TTC23: variants seen among roughly 807,000 people sequenced by gnomAD.
TTC23 encodes the protein tetratricopeptide repeat domain 23, also known as tetratricopeptide repeat protein 23.
In TTC23, 58 loss-of-function variants were observed where a neutral mutation model predicts 55.1. That is an observed-to-expected ratio of 1.05 (90% CI 0.85 to 1.31). The LOEUF is 1.31. Among genes scored for constraint, TTC23 ranks in the 50% most tolerant of loss-of-function variants. The pLI, the probability that TTC23 is intolerant of heterozygous loss-of-function variation, is 0.00. For missense variants in TTC23, 516 were observed against 534.4 expected, an observed-to-expected ratio of 0.97 and a Z score of 0.34; for synonymous variants, 203 against 199.9, an observed-to-expected ratio of 1.02 and a Z score of -0.13.
At chr15:99,166,084 G>A (rs2072040212) in intron 10 of TTC23, among the ~76,000 whole-genome samples, 1 of 152,184 alleles carries the variant, frequency 6.6e-6, no homozygotes, top group Non-Finnish European at 1.5e-5. Context: ...GGCAATTCGT[G>A]CACTGAGTTT....
intron 8 of TTC23, among the ~76,000 whole-genome samples, chr15:99,213,732 G>T (rs1449081527): frequency 6.6e-6 from 1 of 152,202 alleles, no homozygotes; most frequent in Non-Finnish European, 1.5e-5. Context: ...ATGCTGTTAA[G>T]CATAGGAGTA....
chr15:99,190,174 G>A (rs1014952923), intron 9 of TTC23, among the ~76,000 whole-genome samples: 2 of 129,856 alleles, frequency 1.5e-5, no homozygotes, highest in Admixed American at 1.6e-4. Flanking sequence ...AGCAAGACCT[G>A]TCTAAAAAAA....
In TTC23 at chr15:99,182,267, C is replaced by CAA. The variant is rs2074220103; in HGVS notation, c.760-7113_760-7112insTT. Among the ~76,000 whole-genome samples, 3 of 151,554 alleles carry CAA rather than the reference C, an allele frequency of 2.0e-5. No individual in the cohort carries two copies. The East Asian group carries it at 5.8e-4, about 29-fold the overall frequency. ...TCTCTCTCACACACACACACACACA[C>CAA]ACACACACACACACACACACACATA... On this transcript the variant is annotated intron_variant, in intron 9 of 13. Coordinates refer to ENST00000394132, the MANE Select transcript of TTC23 (RefSeq NM_001288615.3).
chr15:99,191,699 C>A (rs553548573), intron 9 of TTC23, among the ~76,000 whole-genome samples: 1 of 152,288 alleles, frequency 6.6e-6, no homozygotes, highest in African/African-American at 2.4e-5. Flanking sequence ...TCAGGTATGT[C>A]TTCATCAGCA....
At chr15:99,166,302 A>G (rs2072080006) in intron 10 of TTC23, among the ~76,000 whole-genome samples, 2 of 152,082 alleles carry the variant, frequency 1.3e-5, no homozygotes, top group African/African-American at 4.8e-5. Flanking sequence ...CTGCCCCGAA[A>G]AGCACCCTGT....
chr15:99,218,462 T>G (rs2077646323), intron 8 of TTC23, 126 bp downstream of exon 8: 1 of 1,255,502 alleles, frequency 8.0e-7, no homozygotes. Flanking sequence ...CTTTTACTTT[T>G]ACACAGTGAC....
chr15:99,196,542 A>T (rs887181601), intron 9 of TTC23, among the ~76,000 whole-genome samples: 1 of 152,210 alleles, frequency 6.6e-6, no homozygotes, highest in African/African-American at 2.4e-5. Flanking sequence ...CCTAGGCCAG[A>T]AACCTGGGGT....
intron 3 of TTC23, among the ~76,000 whole-genome samples, chr15:99,235,855 TCTCTGAATCTGACTG>T (rs1399800852): frequency 6.6e-6 from 1 of 152,210 alleles, no homozygotes; most frequent in Non-Finnish European, 1.5e-5. Context: ...CTACTTTCTG[TCTCTGAATCTGACTG>T]CTCTAGGTAC....
chr15:99,228,792 A>C (rs2078681360), intron 4 of TTC23, 60 bp from the exon 5 acceptor site: 1 of 1,347,990 alleles, frequency 7.4e-7, no homozygotes, highest in African/African-American at 1.5e-5. Context: ...ACTTTTAGAA[A>C]TATACATTTC....
chr15:99,235,840 C>T (rs1043268233), intron 3 of TTC23, among the ~76,000 whole-genome samples: 1 of 152,180 alleles, frequency 6.6e-6, no homozygotes, highest in Non-Finnish European at 1.5e-5. Flanking sequence ...CTGGCAACAC[C>T]CATTCTACTT....
In TTC23 at chr15:99,219,067, A is replaced by C; in HGVS notation, c.305-19T>G. 1 of 1,612,316 alleles carries C rather than the reference A, an allele frequency of 6.2e-7. No individual in the cohort carries two copies. Among genetic ancestry groups the C allele is most frequent in the Non-Finnish European group, 8.5e-7 (1 of 1,179,080 alleles). On this transcript the variant is annotated intron_variant, in intron 6 of 13. Transcript: ENST00000394132. ...GACAGTCCTGTGGACAAAGAAAAAG[A>C]GGTCTCAGTTTCTCTATCATCTCAA...
intron 3 of TTC23, among the ~76,000 whole-genome samples, chr15:99,239,242 T>C (rs1435814476): frequency 6.6e-6 from 1 of 152,166 alleles, no homozygotes; most frequent in Non-Finnish European, 1.5e-5. Flanking sequence ...CCAGCAGCAC[T>C]GTGGGAGGTC....
At chr15:99,197,422 A>ACC (rs768918246) in intron 9 of TTC23, among the ~76,000 whole-genome samples, 3 of 151,628 alleles carry the variant, frequency 2.0e-5, no homozygotes, top group South Asian at 4.2e-4. Context: ...TCTTATCATC[A>ACC]CCCCAGTATT....
At chr15:99,186,141 G>C (rs1596487300) in intron 9 of TTC23, among the ~76,000 whole-genome samples, 1 of 152,292 alleles carries the variant, frequency 6.6e-6, no homozygotes, top group East Asian at 1.9e-4. Context: ...AATAATTACT[G>C]TTAAGAAATA....
intron 10 of TTC23, among the ~76,000 whole-genome samples, chr15:99,163,818 G>A (rs2071700579): frequency 6.6e-6 from 1 of 152,196 alleles, no homozygotes. Flanking sequence ...GAACCAGGAA[G>A]CAGGTCAGGC....
Position 99,199,985 on chromosome 15 carries a change from C to A in TTC23, c.693G>T (p.Leu231Phe), listed in dbSNP as rs2076067178. 1 of 1,614,034 alleles carries A rather than the reference C, an allele frequency of 6.2e-7. No homozygotes were observed. Among genetic ancestry groups the A allele is most frequent in the East Asian group, 2.2e-5 (1 of 44,846 alleles). ...CTTGCTCTACACCTGCTAATTCTCT[C>A]AATATGGGTACACACTCACGACTTG... ...GETSRECVPILRELAGVEQAL... is the reference protein window; with the variant it reads ...GETSRECVPIFRELAGVEQAL... Residue 231 changes from leucine (L) to phenylalanine (F), a missense_variant, in exon 9 of 14, where the codon TTG (leucine) becomes TTT (phenylalanine). By Grantham distance (22) the Leu-to-Phe change is conservative. Coordinates refer to ENST00000394132, the MANE Select transcript of TTC23 (RefSeq NM_001288615.3).
intron 3 of TTC23, among the ~76,000 whole-genome samples, 195 bp downstream of exon 3, chr15:99,241,169 GC>G: frequency 6.6e-6 from 1 of 152,086 alleles, no homozygotes; most frequent in East Asian, 1.9e-4. Context: ...CAAAAAATTA[GC>G]CAGGTGTGGT....
At chr15:99,148,139 G>T (rs925820512) in intron 12 of TTC23, among the ~76,000 whole-genome samples, 2 of 151,810 alleles carry the variant, frequency 1.3e-5, no homozygotes, top group African/African-American at 4.8e-5. Context: ...GAGGCAGGTG[G>T]ATCATGAGGT....
chr15:99,177,066 C>A (rs183352483), intron 9 of TTC23, among the ~76,000 whole-genome samples: 1 of 152,330 alleles, frequency 6.6e-6, no homozygotes, highest in African/African-American at 2.4e-5. Context: ...ACTTCCTCCT[C>A]TTATGACCAG....
Sources: gnomAD v4.1 joint callset for allele counts (sites outside exome capture counted in the v4.1 genomes callset) on GRCh38, gnomAD v4.1.1 for gene constraint, MANE v1.5 for transcripts, NCBI Gene and HGNC (gene_info 2026-07-23, HGNC 2026-07-21) for gene names.